Variants in APOLD1 observed in about 807,000 individuals in gnomAD.
APOLD1 encodes apolipoprotein L domain-containing protein 1.
APOLD1 carries 22 observed loss-of-function variants against 15.3 expected under a neutral mutation model. The ratio of observed to expected loss-of-function variants is 1.44; its 90% CI spans 1.03 to 2.05. The LOEUF (loss-of-function observed/expected upper bound fraction) is 2.05. APOLD1 is among the 30% of genes most tolerant of loss of function. APOLD1 has a pLI of 0.00. For missense variants in APOLD1, 394 were observed against 353.5 expected (o/e 1.11, Z -0.92); for synonymous variants, 190 against 167.4 (o/e 1.13, Z -1.04).
At chr12:12,767,933 G>A (rs796601655) in intron 1 of APOLD1, among the ~76,000 whole-genome samples, 3 of 151,846 alleles carry the variant, frequency 2.0e-5, no homozygotes, top group South Asian at 2.1e-4. Flanking sequence ...CTACAGGCAC[G>A]TGCCACCATG....
chr12:12,775,713 A>G (rs1947026507), intron 1 of APOLD1, among the ~76,000 whole-genome samples: 1 of 152,210 alleles, frequency 6.6e-6, no homozygotes, highest in South Asian at 2.1e-4. Context: ...CATTTTTTAA[A>G]AAACGATTGG....
chr12:12,774,701 G>A (rs575193854), intron 1 of APOLD1, among the ~76,000 whole-genome samples: 64 of 151,822 alleles, frequency 4.2e-4, no homozygotes, highest in African/African-American at 1.4e-3. Context: ...ATGAAAAGAC[G>A]TCCCAAATCA....
intron 1 of APOLD1, among the ~76,000 whole-genome samples, chr12:12,743,733 A>G (rs563896140): frequency 6.6e-4 from 101 of 152,362 alleles, no homozygotes; most frequent in African/African-American, 2.4e-3. Flanking sequence ...AGTATCTTGG[A>G]TTATCCAGGT....
At chr12:12,763,742 A>T (rs1030001025) in intron 1 of APOLD1, among the ~76,000 whole-genome samples, 6 of 152,114 alleles carry the variant, frequency 3.9e-5, no homozygotes, top group Non-Finnish European at 7.4e-5. Context: ...CCAATCCCCC[A>T]CTTATATGAG....
chr12:12,748,254 A>G (rs569786152), intron 1 of APOLD1, among the ~76,000 whole-genome samples: 71 of 152,214 alleles, frequency 4.7e-4, no homozygotes, highest in Non-Finnish European at 8.7e-4. Flanking sequence ...TTGGCTTCCA[A>G]TGTGTTAGCA....
intron 1 of APOLD1, among the ~76,000 whole-genome samples, chr12:12,748,447 C>G (rs1385659094): frequency 6.6e-6 from 1 of 152,186 alleles, no homozygotes; most frequent in Non-Finnish European, 1.5e-5. Context: ...CTCTTTCTTT[C>G]TTAGCATGAT....
chr12:12,773,760 A>G (rs1003945624), intron 1 of APOLD1, among the ~76,000 whole-genome samples: 4 of 152,228 alleles, frequency 2.6e-5, no homozygotes, highest in African/African-American at 9.6e-5. Context: ...GACCGATAGA[A>G]TAGAATGGAG....
intron 1 of APOLD1, among the ~76,000 whole-genome samples, chr12:12,741,957 C>T (rs1475212558): frequency 6.6e-6 from 1 of 152,202 alleles, no homozygotes; most frequent in Non-Finnish European, 1.5e-5. Flanking sequence ...CCAGCAGGCT[C>T]AGTGTGACAC....
chr12:12,750,673 TC>T (rs1946806368), intron 1 of APOLD1, among the ~76,000 whole-genome samples: 2 of 152,210 alleles, frequency 1.3e-5, no homozygotes, highest in Non-Finnish European at 2.9e-5. Context: ...TCATGTAATC[TC>T]ATTGTTGATC....
chr12:12,778,546 T>G (rs1366600652), intron 1 of APOLD1, among the ~76,000 whole-genome samples: 1 of 150,768 alleles, frequency 6.6e-6, no homozygotes, highest in African/African-American at 2.4e-5. Context: ...CAGGCTGATC[T>G]CAAACTCCTG....
chr12:12,733,505 G>A (rs1946659672), intron 1 of APOLD1, among the ~76,000 whole-genome samples: 1 of 152,188 alleles, frequency 6.6e-6, no homozygotes, highest in Admixed American at 6.5e-5. Context: ...CTATTTCTGA[G>A]GGCAGGATTA....
At chr12:12,773,246 G>A (rs1011119274) in intron 1 of APOLD1, among the ~76,000 whole-genome samples, 11 of 152,148 alleles carry the variant, frequency 7.2e-5, no homozygotes, top group African/African-American at 2.2e-4. Flanking sequence ...TCTAGAAAAA[G>A]AAGAACAAAT....
At chr12:12,759,594 C>G (rs1424477098) in intron 1 of APOLD1, among the ~76,000 whole-genome samples, 1 of 152,214 alleles carries the variant, frequency 6.6e-6, no homozygotes, top group African/African-American at 2.4e-5. Context: ...ATTTATCGCA[C>G]TTCCTACAAG....
intron 1 of APOLD1, among the ~76,000 whole-genome samples, chr12:12,773,252 C>T (rs979077865): frequency 6.6e-6 from 1 of 152,066 alleles, no homozygotes; most frequent in Non-Finnish European, 1.5e-5. Context: ...AAAAGAAGAA[C>T]AAATTAAGTC....
intron 1 of APOLD1, among the ~76,000 whole-genome samples, chr12:12,741,689 CAG>C (rs1379393046): frequency 2.6e-5 from 4 of 152,212 alleles, no homozygotes; most frequent in African/African-American, 9.6e-5. Context: ...GTCTGATACG[CAG>C]AGAGATGTTC....
chr12:12,739,576 A>G (rs1946716680), intron 1 of APOLD1, among the ~76,000 whole-genome samples: 1 of 152,230 alleles, frequency 6.6e-6, no homozygotes, highest in Non-Finnish European at 1.5e-5. Flanking sequence ...TCATATGCTA[A>G]AATTTCTAAA....
At chr12:12,737,247 A>G (rs565611750) in intron 1 of APOLD1, among the ~76,000 whole-genome samples, 1 of 152,232 alleles carries the variant, frequency 6.6e-6, no homozygotes, top group Admixed American at 6.5e-5. Flanking sequence ...TTGAAGATTA[A>G]TAAAAGAGAG....
At chr12:12,767,019 G>A (rs1274732151) in intron 1 of APOLD1, among the ~76,000 whole-genome samples, 3 of 151,824 alleles carry the variant, frequency 2.0e-5, no homozygotes, top group Non-Finnish European at 4.4e-5. Flanking sequence ...GCCAAGGTGG[G>A]TGGATCACCG....
Position 12,787,434 on chromosome 12 carries a change from G to C in APOLD1, c.529G>C (p.Gly177Arg). 6.2e-7 allele frequency: 1 copy of C among 1,614,198 alleles called. No individual in the cohort carries two copies. Among genetic ancestry groups the C allele is most frequent in the Non-Finnish European group, 8.5e-7 (1 of 1,180,042 alleles). ...VYFIVFFGSR[G>R]FLIPRRAEGD... ...CTTCATCGTCTTCTTTGGCTCACGT[G>C]GCTTCCTCATCCCCAGGCGGGCGGA... Residue 177 changes from glycine (G) to arginine (R), a missense_variant, in exon 2 of 2, where the codon GGC becomes CGC. Gly to Arg is a moderately radical substitution (Grantham distance 125). Transcript: ENST00000356591. The surrounding 1 kb of genome is among the most constrained non-coding windows in gnomAD (Gnocchi z 4.9).
Sources: gnomAD v4.1 joint callset for allele counts (sites outside exome capture counted in the v4.1 genomes callset) on GRCh38, gnomAD v4.1.1 for gene constraint, Gnocchi (gnomAD v3.1) non-coding constraint, MANE v1.5 for transcripts, NCBI Gene and HGNC (gene_info 2026-07-23, HGNC 2026-07-21) for gene names.